Variants in UBAC2 observed in about 807,000 individuals in gnomAD.
UBAC2 encodes the protein ubiquitin-associated domain-containing protein 2.
UBAC2 carries 26 observed loss-of-function variants against 44.0 expected under a neutral mutation model. That is an observed-to-expected ratio of 0.59 (90% CI 0.43 to 0.82). The LOEUF (loss-of-function observed/expected upper bound fraction) is 0.82, where lower values mean the gene tolerates loss of function less well. UBAC2 is among the 40% of genes least tolerant of loss of function. The probability of loss-of-function intolerance (pLI) is 0.00; values close to 1 mark genes in which losing one functional copy is unlikely to be tolerated. For missense variants in UBAC2, 329 were observed against 419.4 expected (o/e 0.78, Z 1.88); for synonymous variants, 155 against 154.3 (o/e 1.00, Z -0.04).
chr13:99,282,478 AT>A, intron 4 of UBAC2, among the ~76,000 whole-genome samples: 1 of 152,344 alleles, frequency 6.6e-6, no homozygotes, highest in South Asian at 2.1e-4. Context: ...TTGCTGCTCA[AT>A]TCCTTTTATT....
chr13:99,215,420 G>A, intron 1 of UBAC2: 1 of 1,312,302 alleles, frequency 7.6e-7, no homozygotes, highest in Admixed American at 1.7e-5. Flanking sequence ...ATTTGTGGAT[G>A]TGTGGAATGA....
intron 4 of UBAC2, among the ~76,000 whole-genome samples, chr13:99,297,037 A>C (rs1362364047): frequency 6.6e-6 from 1 of 152,190 alleles, no homozygotes; most frequent in Admixed American, 6.5e-5. Context: ...TTTTATATAA[A>C]CATTTGATAG....
intron 4 of UBAC2, among the ~76,000 whole-genome samples, chr13:99,250,615 T>G (rs2043446186): frequency 6.6e-6 from 1 of 152,204 alleles, no homozygotes; most frequent in Non-Finnish European, 1.5e-5. Flanking sequence ...AAAAATGACA[T>G]TGTGGTTTGC....
chr13:99,350,183 T>G (rs957754098), intron 7 of UBAC2, among the ~76,000 whole-genome samples: 7 of 152,238 alleles, frequency 4.6e-5, no homozygotes, highest in Non-Finnish European at 2.9e-5. Context: ...CATCTCTATA[T>G]CTAATTTGTA....
chr13:99,220,792 T>G (rs2043044975), intron 1 of UBAC2, among the ~76,000 whole-genome samples: 1 of 152,138 alleles, frequency 6.6e-6, no homozygotes, highest in Non-Finnish European at 1.5e-5. Flanking sequence ...TTGCCCCATC[T>G]CAGTGCATAA....
At chr13:99,223,542 GTTTTTTTTTTTT>G (rs145143990) in intron 1 of UBAC2, among the ~76,000 whole-genome samples, 3 of 62,446 alleles carry the variant, frequency 4.8e-5, no homozygotes, top group African/African-American at 2.5e-4. Context: ...CTCTTTTTCT[GTTTTTTTTTTTT>G]TTTTTTTTTT....
rs1341301275 is a variant in UBAC2, at chr13:99,230,981, G to C, written c.32-7446G>C. Among the ~76,000 whole-genome samples the C allele has an allele frequency of 3.3e-5, 5 of 152,290 alleles. No individual in the cohort carries two copies. The East Asian group carries it at 7.7e-4, about 23-fold the overall frequency. On this transcript the variant is annotated intron_variant, in intron 1 of 8. Coordinates refer to ENST00000403766, the MANE Select transcript of UBAC2 (RefSeq NM_001144072.2). ...GGAGAATCGCTAAACCCGGTAGGCG[G>C]AGGTTGCAGTGAGCTGAGATTGTGC...
intron 1 of UBAC2, chr13:99,201,485 G>A: frequency 6.2e-7 from 1 of 1,614,234 alleles, no homozygotes; most frequent in Non-Finnish European, 8.5e-7. Flanking sequence ...TCAAGTGGAG[G>A]GAAGTTAGGA....
Position 99,251,471 on chromosome 13 carries a change from T to C in UBAC2, c.389+6847T>C, listed in dbSNP as rs138322454. ...TCTTCTCTACTTCTACTGTCATTAT[T>C]ATCCCAGTCTAAACTCTTAAATCTT... On this transcript the variant is annotated intron_variant, in intron 4 of 8. Coordinates refer to ENST00000403766, the MANE Select transcript of UBAC2 (RefSeq NM_001144072.2). Among the ~76,000 whole-genome samples, 4 of 152,352 alleles carry C rather than the reference T, an allele frequency of 2.6e-5. No individual in the cohort carries two copies. The East Asian group carries it at 7.7e-4, about 29-fold the overall frequency.
Position 99,200,933 on chromosome 13 carries a change from G to A in UBAC2, c.25G>A (p.Gly9Arg). Residue 9 changes from glycine (G) to arginine (R), a missense_variant, in exon 1 of 9, where the codon GGG becomes AGG. Coordinates refer to ENST00000403766, the MANE Select transcript of UBAC2 (RefSeq NM_001144072.2). MFTSTGSS[G>R]LYKAPLSKSL... ...CATGTTCACCAGCACCGGCTCCAGT[G>A]GGCTCTGTGAGTACCGGCCTCCGCC... 7.7e-7 allele frequency: 1 copy of A among 1,306,968 alleles called. No individual in the cohort carries two copies. Among genetic ancestry groups the A allele is most frequent in the Non-Finnish European group, 9.8e-7 (1 of 1,019,664 alleles). 81.0% of individuals were successfully genotyped at this position (1,306,968 alleles called of 1,614,324 possible).
intron 8 of UBAC2, among the ~76,000 whole-genome samples, chr13:99,381,010 A>G (rs1293445166): frequency 2.6e-5 from 4 of 152,350 alleles, no homozygotes; most frequent in Non-Finnish European, 5.9e-5. Flanking sequence ...GTGAAAAGCC[A>G]GTCTTAGTTG....
At chr13:99,231,029 C>G (rs2043166788) in intron 1 of UBAC2, among the ~76,000 whole-genome samples, 1 of 151,590 alleles carries the variant, frequency 6.6e-6, no homozygotes, top group African/African-American at 2.4e-5. Flanking sequence ...GCCTGGGCGA[C>G]AGAGGGAGAC....
intron 1 of UBAC2, chr13:99,215,412 T>G: frequency 7.7e-7 from 1 of 1,298,790 alleles, no homozygotes; most frequent in African/African-American, 1.4e-5. Flanking sequence ...AATCAGAGAT[T>G]TGTGGATGTG....
At chr13:99,316,082 C>T (rs1041154167) in intron 5 of UBAC2, among the ~76,000 whole-genome samples, 8 of 151,698 alleles carry the variant, frequency 5.3e-5, no homozygotes, top group East Asian at 1.9e-4. Flanking sequence ...GCAACTACCA[C>T]GGATAGTTTT....
In UBAC2 at chr13:99,247,466, G is replaced by A. The variant is rs556877303; in HGVS notation, c.389+2842G>A. On this transcript the variant is annotated intron_variant, in intron 4 of 8. Coordinates refer to ENST00000403766, the MANE Select transcript of UBAC2 (RefSeq NM_001144072.2). ...CCTGACCTCGTGATCCGCCCGCCTC[G>A]GCCTCCCAAAGTGCTGGGATTACAG... is the stretch of plus-strand genomic sequence containing the variant. Among the ~76,000 whole-genome samples, 92 of 151,748 alleles carry A rather than the reference G, an allele frequency of 6.1e-4. 1 individual carries two copies. Among genetic ancestry groups the A allele is most frequent in the Admixed American group, 5.5e-3 (83 of 15,226 alleles).
At chr13:99,330,458 CAAAAA>C (rs59409181) in intron 6 of UBAC2, among the ~76,000 whole-genome samples, 3 of 46,026 alleles carry the variant, frequency 6.5e-5, no homozygotes, top group Admixed American at 3.4e-4. Flanking sequence ...GACGTCATCT[CAAAAA>C]AAAAAAAAAA....
At chr13:99,242,322 G>A (rs1349570890) in intron 2 of UBAC2, among the ~76,000 whole-genome samples, 1 of 150,662 alleles carries the variant, frequency 6.6e-6, no homozygotes, top group African/African-American at 2.4e-5. Flanking sequence ...GGCTGGCCGG[G>A]CGGGGGGCTG....
intron 6 of UBAC2, among the ~76,000 whole-genome samples, chr13:99,335,478 A>C (rs2044774653): frequency 6.7e-6 from 1 of 149,872 alleles, no homozygotes. Context: ...GTCCCCCATC[A>C]CCCCTCTACA....
intron 4 of UBAC2, among the ~76,000 whole-genome samples, chr13:99,285,641 C>T (rs2044009513): frequency 6.6e-6 from 1 of 152,172 alleles, no homozygotes; most frequent in Non-Finnish European, 1.5e-5. Flanking sequence ...ACCCTCCTGC[C>T]TTGGCCTCCC....
Sources: allele counts gnomAD v4.1 joint callset (sites outside exome capture counted in the v4.1 genomes callset), GRCh38; gene constraint gnomAD v4.1.1; transcripts MANE v1.5; gene names NCBI Gene and HGNC (gene_info 2026-07-23, HGNC 2026-07-21).